RERE: variants seen among roughly 807,000 people sequenced by gnomAD.
The protein encoded by RERE is arginine-glutamic acid dipeptide repeats protein.
Under a neutral mutation model 146.1 loss-of-function variants are expected in RERE, and 40 were observed. That is an observed-to-expected ratio of 0.27 (90% CI 0.21 to 0.36). The LOEUF (loss-of-function observed/expected upper bound fraction) is 0.36. Ranked by LOEUF, RERE falls within the 10% of genes least tolerant of loss-of-function variation. RERE has a pLI of 1.00. For missense variants in RERE, 1,933 were observed against 2,138.7 expected, an observed-to-expected ratio of 0.90 and a Z score of 1.90; for synonymous variants, 1,003 against 866.0, an observed-to-expected ratio of 1.16 and a Z score of -2.78.
At chr1:8,729,464 C>A (rs1005640446) in intron 1 of RERE, among the ~76,000 whole-genome samples, 2 of 151,818 alleles carry the variant, frequency 1.3e-5, no homozygotes, top group East Asian at 1.9e-4. Flanking sequence ...ACCTTGTGAT[C>A]CACCCGCCTC....
Position 8,361,116 on chromosome 1 carries a change from G to A in RERE, c.2391C>T (p.His797=), listed in dbSNP as rs1641557122. 6.9e-7 allele frequency: 1 copy of A among 1,443,210 alleles called. No individual in the cohort carries two copies. The highest frequency in any genetic ancestry group is 9.1e-7 in the Non-Finnish European group (1 of 1,102,744). 89.4% of individuals were successfully genotyped at this position (1,443,210 alleles called of 1,614,324 possible). A position where few individuals can be genotyped will look rare whatever the true frequency, so the allele number is the denominator to read the frequency against. ...AGGCCGGTGCCTGTTGGATGTGGGT[G>A]TGGGGAACAGGCGCTGTGGGAGCCT... The part of the protein sequence containing the change: ...QPQAPTAPVP[H]THIQQAPALH... Residue 797 remains histidine, a synonymous_variant, in exon 18 of 23, where the codon CAC becomes CAT. Coordinates refer to ENST00000400908, the MANE Select transcript of RERE (RefSeq NM_001042681.2).
intron 4 of RERE, among the ~76,000 whole-genome samples, chr1:8,605,845 C>CTTTTTTTTTT (rs60346942): frequency 0.015 from 1,380 of 93,206 alleles, 256 homozygotes; most frequent in Middle Eastern, 0.022. Flanking sequence ...AAATACCAAA[C>CTTTTTTTTTT]TTTTTTTTTT....
intron 7 of RERE, among the ~76,000 whole-genome samples, chr1:8,534,307 G>T (rs1357074737): frequency 2.0e-5 from 3 of 152,148 alleles, no homozygotes; most frequent in Non-Finnish European, 4.4e-5. Context: ...TAAAAATAAT[G>T]AAATAAGGTT....
chr1:8,508,915 C>T (rs190993499), intron 7 of RERE, among the ~76,000 whole-genome samples: 9 of 152,104 alleles, frequency 5.9e-5, no homozygotes, highest in Non-Finnish European at 1.0e-4. Context: ...AACCTTCCTA[C>T]ATCATCGTTC....
intron 1 of RERE, among the ~76,000 whole-genome samples, chr1:8,775,781 C>A (rs1453696802): frequency 6.6e-6 from 1 of 152,206 alleles, no homozygotes; most frequent in African/African-American, 2.4e-5. Flanking sequence ...CCTCTTTCAT[C>A]ACTTAAGCTT....
intron 1 of RERE, among the ~76,000 whole-genome samples, chr1:8,697,387 C>T (rs1477030250): frequency 1.5e-5 from 2 of 131,148 alleles, no homozygotes; most frequent in Non-Finnish European, 3.2e-5. Context: ...CCACACCCCC[C>T]CCACACAACT....
At chr1:8,766,091 C>A (rs1257549013) in intron 1 of RERE, among the ~76,000 whole-genome samples, 1 of 152,030 alleles carries the variant, frequency 6.6e-6, no homozygotes, top group Non-Finnish European at 1.5e-5. Context: ...CCAGCCTGGG[C>A]AACAATGAAA....
intron 11 of RERE, among the ~76,000 whole-genome samples, chr1:8,446,598 C>G (rs1243279020): frequency 6.6e-6 from 1 of 152,210 alleles, no homozygotes; most frequent in African/African-American, 2.4e-5. Flanking sequence ...GTTCCATTCT[C>G]TGTGTCACTT....
chr1:8,525,546 A>G (rs1338372373), intron 7 of RERE, among the ~76,000 whole-genome samples: 1 of 152,232 alleles, frequency 6.6e-6, no homozygotes, highest in African/African-American at 2.4e-5. Context: ...AAAGCTTCAC[A>G]TTCTATATCT....
In RERE at chr1:8,399,350, T is replaced by C. The variant is rs556578590; in HGVS notation, c.1284+23377A>G. On this transcript the variant is annotated intron_variant, in intron 12 of 22. Transcript: ENST00000400908. ...TACAGTTTTAAAGTCTTGTTTTTCC[T>C]GGCTTTAACTTATCTGAAAGTTACA... Among the ~76,000 whole-genome samples the C allele has an allele frequency of 3.3e-5, 5 of 152,364 alleles. No individual in the cohort carries two copies. In the East Asian group the frequency reaches 9.6e-4, roughly 29 times the overall value.
At chr1:8,679,803 A>C (rs1638922947) in intron 1 of RERE, among the ~76,000 whole-genome samples, 1 of 152,206 alleles carries the variant, frequency 6.6e-6, no homozygotes, top group South Asian at 2.1e-4. Flanking sequence ...ACATGTTTTC[A>C]ATCACTTATT....
intron 11 of RERE, among the ~76,000 whole-genome samples, chr1:8,424,420 T>C (rs1202258656): frequency 6.6e-6 from 1 of 152,220 alleles, no homozygotes; most frequent in Non-Finnish European, 1.5e-5. Context: ...ACTCCAGTAG[T>C]GGAGGCTTTG....
intron 1 of RERE, among the ~76,000 whole-genome samples, chr1:8,736,097 T>C (rs777215096): frequency 6.6e-6 from 1 of 152,214 alleles, no homozygotes; most frequent in African/African-American, 2.4e-5. Flanking sequence ...CTATAGCAAA[T>C]ATAGTAAAAT....
At chr1:8,507,712 A>T (rs1031221689) in intron 8 of RERE, among the ~76,000 whole-genome samples, 1 of 145,396 alleles carries the variant, frequency 6.9e-6, no homozygotes, top group Non-Finnish European at 1.5e-5. Flanking sequence ...CCCAGCCGGG[A>T]AAAGAGGTTT....
chr1:8,454,640 A>G (rs1231792507), intron 11 of RERE, among the ~76,000 whole-genome samples: 1 of 152,038 alleles, frequency 6.6e-6, no homozygotes, highest in Non-Finnish European at 1.5e-5. Flanking sequence ...CCTCATCTCT[A>G]CTAAAAATAC....
chr1:8,424,970 T>G (rs1181634050), intron 11 of RERE: 2 of 152,248 alleles, frequency 1.3e-5, no homozygotes, highest in Non-Finnish European at 2.9e-5. Context: ...CAGGCAAGGA[T>G]CCGGTTGCAG....
chr1:8,446,232 A>AT (rs1644318162), intron 11 of RERE, among the ~76,000 whole-genome samples: 1 of 152,116 alleles, frequency 6.6e-6, no homozygotes, highest in Admixed American at 6.5e-5. Flanking sequence ...AGATCCGCTG[A>AT]TAGTCTGATA....
In RERE at chr1:8,364,439, G is replaced by A. The variant is rs1205517435; in HGVS notation, c.1541-184C>T. On this transcript the variant is annotated intron_variant, in intron 14 of 22. Transcript: ENST00000400908. The surrounding 1 kb of genome is among the most constrained non-coding windows in gnomAD (Gnocchi z 5.1). ...CCCCAAGGCCAGGAGAGGGTTTCAG[G>A]GGCATCTGCTGCCCACTTCAACTTG... Among the ~76,000 whole-genome samples the A allele has an allele frequency of 6.6e-6, 1 of 152,040 alleles. No homozygotes were observed. Among genetic ancestry groups the A allele is most frequent in the African/African-American group, 2.4e-5 (1 of 41,394 alleles).
intron 1 of RERE, among the ~76,000 whole-genome samples, chr1:8,794,357 CAAAAAAAAA>C (rs34549021): frequency 4.9e-5 from 2 of 40,554 alleles, no homozygotes; most frequent in South Asian, 1.2e-3. Context: ...GACTCCGTCT[CAAAAAAAAA>C]AAAAAAAAAA....
Sources: gnomAD v4.1 joint callset for allele counts (sites outside exome capture counted in the v4.1 genomes callset) on GRCh38, gnomAD v4.1.1 for gene constraint, Gnocchi (gnomAD v3.1) non-coding constraint, MANE v1.5 for transcripts, NCBI Gene and HGNC (gene_info 2026-07-23, HGNC 2026-07-21) for gene names.